HEATR5B: variants seen among roughly 807,000 people sequenced by gnomAD.
HEATR5B encodes the protein HEAT repeat containing 5B, also known as HEAT repeat-containing protein 5B.
HEATR5B carries 156 observed loss-of-function variants against 224.1 expected under a neutral mutation model. That is an observed-to-expected ratio of 0.70 (90% CI 0.61 to 0.80). The LOEUF is 0.80. HEATR5B is among the 30% of genes least tolerant of loss of function. The probability of loss-of-function intolerance (pLI) is 0.00; values close to 1 mark genes in which losing one functional copy is unlikely to be tolerated. For synonymous variants in HEATR5B, 1,027 were observed against 893.0 expected (o/e 1.15, Z -2.68); for missense variants, 2,323 against 2,535.5 (o/e 0.92, Z 1.80).
Position 37,049,845 on chromosome 2 carries a change from T to G in HEATR5B, c.2506-2A>C. ...AGTACTTTTGTTTTCAGCTAAGCCCTACATTAAAAAAAAAAAAAAAAAAAA... is the reference window on the plus strand; with the variant it reads ...AGTACTTTTGTTTTCAGCTAAGCCCGACATTAAAAAAAAAAAAAAAAAAAA... On this transcript the variant is annotated splice_acceptor_variant, in intron 17 of 35. Coordinates refer to ENST00000233099, the MANE Select transcript of HEATR5B (RefSeq NM_019024.3). LOFTEE classifies it high-confidence loss of function. 6 of 796,698 alleles carry G rather than the reference T, an allele frequency of 7.5e-6. No individual in the cohort carries two copies. Among genetic ancestry groups the G allele is most frequent in the South Asian group, 1.9e-5 (1 of 51,596 alleles). The allele number at this position is 796,698 out of a possible 1,614,324, so 49.4% of individuals were successfully genotyped here.
At chr2:37,031,575 A>G (rs1669135871) in intron 22 of HEATR5B, among the ~76,000 whole-genome samples, 1 of 151,680 alleles carries the variant, frequency 6.6e-6, no homozygotes, top group African/African-American at 2.4e-5. Context: ...AAGTTCTGAA[A>G]ATTTATATGT....
At chr2:37,033,943 C>T (rs997589521) in intron 21 of HEATR5B, among the ~76,000 whole-genome samples, 1 of 152,124 alleles carries the variant, frequency 6.6e-6, no homozygotes, top group Middle Eastern at 3.2e-3. Flanking sequence ...GTTCCATCTG[C>T]TGCTTTTCAA....
rs532409268 is a variant in HEATR5B at position 37,038,876 on chromosome 2, G to T, written c.3047-852C>A. On this transcript the variant is annotated intron_variant, in intron 20 of 35. Coordinates refer to ENST00000233099, the MANE Select transcript of HEATR5B (RefSeq NM_019024.3). ...GATCACGCCACTGCACTCCAGCCTG[G>T]GAGACAGAGCAAGACTCTGTCTCCC... 2.9e-5 allele frequency among the ~76,000 whole-genome samples: 4 copies of T among 140,182 alleles called. No individual in the cohort carries two copies. In the East Asian group the frequency reaches 8.4e-4, roughly 30 times the overall value. The allele number at this position is 140,182 out of a possible 152,430, so 92.0% of individuals were successfully genotyped here.
chr2:37,073,150 A>C (rs1306911437), intron 5 of HEATR5B, among the ~76,000 whole-genome samples: 1 of 152,218 alleles, frequency 6.6e-6, no homozygotes, highest in Non-Finnish European at 1.5e-5. Context: ...TACGTGAAAA[A>C]GAAACTACAT....
At chr2:37,055,982 C>A (rs183418072) in intron 16 of HEATR5B, among the ~76,000 whole-genome samples, 4 of 152,146 alleles carry the variant, frequency 2.6e-5, no homozygotes, top group Non-Finnish European at 5.9e-5. Flanking sequence ...AGACTTGAAC[C>A]ATCTCACAAA....
chr2:37,056,379 C>T (rs1297783670), intron 16 of HEATR5B, 61 bp downstream of exon 16: 31 of 1,189,616 alleles, frequency 2.6e-5, no homozygotes, highest in Non-Finnish European at 3.5e-5. Context: ...ATGAGAAAAT[C>T]TACTTTTCGT....
Position 37,004,484 on chromosome 2 carries a change from C to G in HEATR5B, c.4906-798G>C, listed in dbSNP as rs191272762. On this transcript the variant is annotated intron_variant, in intron 30 of 35. Transcript: ENST00000233099. ...AAGCCTCCAGATCCTTTTATCTACC[C>G]TATGTCCTCCTCTATGTATCTGGCT... 2.0e-5 allele frequency among the ~76,000 whole-genome samples: 3 copies of G among 151,802 alleles called. No homozygotes were observed. The East Asian group carries it at 5.8e-4, about 29-fold the overall frequency.
At chr2:37,008,977 T>C (rs1405659276) in intron 27 of HEATR5B, 129 bp from the exon 28 acceptor site, 1 of 745,324 alleles carries the variant, frequency 1.3e-6, no homozygotes, top group Non-Finnish European at 2.2e-6. Flanking sequence ...GTATACACTT[T>C]GGCTGGGTGC....
Position 37,020,824 on chromosome 2 carries a change from A to G in HEATR5B, c.3866T>C (p.Val1289Ala), listed in dbSNP as rs1390827933. ...KLRNPTNDLL[V>A]LHLSDLIRMA... ...GCGAATGAGGTCAGAGAGATGAAGT[A>G]CCAAGAGGTCATCTAAAAATAAAAA... Residue 1289 changes from valine (V) to alanine (A), a missense_variant, in exon 25 of 36, where the codon GTA becomes GCA. Val to Ala is a moderately conservative substitution (Grantham distance 64). This residue lies in a region of HEATR5B where 339 missense variants were observed against 378.4 expected (regional missense o/e 0.90). Coordinates refer to ENST00000233099, the MANE Select transcript of HEATR5B (RefSeq NM_019024.3). 1 of 1,503,692 alleles carries G rather than the reference A, an allele frequency of 6.7e-7. No homozygotes were observed. The highest frequency in any genetic ancestry group is 2.6e-5 in the Admixed American group (1 of 39,116). The allele number at this position is 1,503,692 out of a possible 1,614,324, so 93.1% of individuals were successfully genotyped here.
chr2:37,041,056 A>T, intron 19 of HEATR5B, 77 bp downstream of exon 19: 1 of 1,211,224 alleles, frequency 8.3e-7, no homozygotes, highest in East Asian at 2.4e-5. Flanking sequence ...TACCACGGTC[A>T]TTTTTATTTC....
chr2:37,028,745 C>T lies in HEATR5B; in HGVS notation c.3537G>A (p.Ser1179=), dbSNP rs757110955. Residue 1179 remains serine, a synonymous_variant, in exon 23 of 36, where the codon TCG becomes TCA. Transcript: ENST00000233099. ...AATGAGAAAGTTTTTCTACTGCCAG[C>T]GAAGAAAGCATATGTCCCAAAGTGT... ...IHDTLGHMLS[S]LAVEKLSHWL... 1.8e-5 allele frequency: 29 copies of T among 1,613,590 alleles called. No individual in the cohort carries two copies. The highest frequency in any genetic ancestry group is 2.7e-5 in the African/African-American group (2 of 74,862).
chr2:37,032,489 TA>T (rs1362287103), intron 22 of HEATR5B, 139 bp downstream of exon 22: 115 of 831,918 alleles, frequency 1.4e-4, no homozygotes, highest in Non-Finnish European at 3.2e-5. Context: ...ATTGGAATTT[TA>T]AAAGTGGTAA....
At chr2:37,025,109 A>T (rs1047480000) in intron 24 of HEATR5B, among the ~76,000 whole-genome samples, 1 of 152,234 alleles carries the variant, frequency 6.6e-6, no homozygotes, top group African/African-American at 2.4e-5. Context: ...TTGGGTCTAT[A>T]CTTTTTCATA....
chr2:37,049,940 G>A, intron 17 of HEATR5B, 97 bp from the exon 18 acceptor site: 1 of 1,167,282 alleles, frequency 8.6e-7, no homozygotes, highest in East Asian at 2.7e-5. Context: ...GCCCAGGCTG[G>A]AGTGCAATGG....
intron 27 of HEATR5B, among the ~76,000 whole-genome samples, chr2:37,009,780 CTTT>C (rs1333708477): frequency 6.8e-5 from 9 of 132,980 alleles, no homozygotes; most frequent in East Asian, 2.1e-4. Context: ...CCCGCCTCCA[CTTT>C]TTTTTTTTTT....
intron 7 of HEATR5B, among the ~76,000 whole-genome samples, chr2:37,069,759 T>C (rs1416558228): frequency 6.6e-6 from 1 of 152,150 alleles, no homozygotes; most frequent in East Asian, 1.9e-4. Context: ...CATATAAGCA[T>C]GTAATTTGGA....
At chr2:37,018,709 G>A (rs976255604) in intron 26 of HEATR5B, among the ~76,000 whole-genome samples, 42 of 152,132 alleles carry the variant, frequency 2.8e-4, no homozygotes, top group Non-Finnish European at 5.0e-4. Flanking sequence ...CCACAGCACC[G>A]TACTCCAGAA....
chr2:37,083,858 C>A (rs929633518), intron 1 of HEATR5B, among the ~76,000 whole-genome samples: 1 of 152,226 alleles, frequency 6.6e-6, no homozygotes, highest in African/African-American at 2.4e-5. Flanking sequence ...CGCGCTGCAC[C>A]TGGCCAGAGG....
At chr2:37,017,712 A>C (rs1279518773) in intron 26 of HEATR5B, among the ~76,000 whole-genome samples, 2 of 144,722 alleles carry the variant, frequency 1.4e-5, no homozygotes, top group Non-Finnish European at 3.1e-5. Flanking sequence ...AAAAAAAAAG[A>C]ATCTGAAACT....
Sources: allele counts gnomAD v4.1 joint callset (sites outside exome capture counted in the v4.1 genomes callset), GRCh38; gene constraint gnomAD v4.1.1; regional missense constraint gnomAD v4.1.1; transcripts MANE v1.5; gene names NCBI Gene and HGNC (gene_info 2026-07-23, HGNC 2026-07-21).